Variants in STXBP5L observed in about 807,000 individuals in gnomAD.
STXBP5L encodes syntaxin-binding protein 5-like.
A neutral mutation model predicts 144.5 loss-of-function variants in STXBP5L; 65 were observed. The ratio of observed to expected loss-of-function variants is 0.45; its 90% CI spans 0.37 to 0.55. The LOEUF (loss-of-function observed/expected upper bound fraction) is 0.55, where lower values mean the gene tolerates loss of function less well. Among genes scored for constraint, STXBP5L ranks in the 20% least tolerant of loss-of-function variants. The pLI, the probability that STXBP5L is intolerant of heterozygous loss-of-function variation, is 0.00. For synonymous variants in STXBP5L, 505 were observed against 469.6 expected (o/e 1.08, Z -0.97); for missense variants, 1,298 against 1,405.5 (o/e 0.92, Z 1.22).
intron 2 of STXBP5L, among the ~76,000 whole-genome samples, chr3:120,911,432 C>A (rs1256714623): frequency 6.6e-6 from 1 of 152,050 alleles, no homozygotes; most frequent in East Asian, 1.9e-4. Context: ...TGCTAGTTGA[C>A]AGCCATATAC....
chr3:121,413,971 A>G (rs2047177942), intron 24 of STXBP5L, among the ~76,000 whole-genome samples: 1 of 152,096 alleles, frequency 6.6e-6, no homozygotes. Flanking sequence ...TGGCTCCTCC[A>G]TTTCTGTGAC....
chr3:121,360,228 T>A (rs1232670454), intron 20 of STXBP5L, among the ~76,000 whole-genome samples: 1 of 151,442 alleles, frequency 6.6e-6, no homozygotes, highest in East Asian at 1.9e-4. Flanking sequence ...ACTCCTCCTT[T>A]TTTTGGTTTC....
intron 7 of STXBP5L, among the ~76,000 whole-genome samples, chr3:121,133,305 C>T (rs1369904745): frequency 2.0e-5 from 3 of 151,978 alleles, no homozygotes; most frequent in Non-Finnish European, 2.9e-5. Flanking sequence ...AAAATGAACC[C>T]AAAGAAATCT....
chr3:121,417,212 T>G (rs900538522), intron 25 of STXBP5L, among the ~76,000 whole-genome samples: 3 of 152,180 alleles, frequency 2.0e-5, no homozygotes, highest in East Asian at 1.9e-4. Context: ...AGTTTCTTTT[T>G]GGAGTTATGT....
intron 3 of STXBP5L, among the ~76,000 whole-genome samples, chr3:120,996,351 T>C (rs1022634523): frequency 1.3e-5 from 2 of 152,018 alleles, no homozygotes; most frequent in Non-Finnish European, 1.5e-5. Flanking sequence ...TAAATTAATA[T>C]AATGTATATT....
intron 19 of STXBP5L, among the ~76,000 whole-genome samples, chr3:121,316,034 A>G (rs1444724448): frequency 6.6e-6 from 1 of 151,662 alleles, no homozygotes; most frequent in African/African-American, 2.4e-5. Flanking sequence ...AGCCAAAATT[A>G]TGATGAAATT....
chr3:121,329,938 T>A (rs1466108082), intron 20 of STXBP5L, among the ~76,000 whole-genome samples: 1 of 152,212 alleles, frequency 6.6e-6, no homozygotes, highest in African/African-American at 2.4e-5. Context: ...AAGATACACT[T>A]ATTTAATGTA....
intron 23 of STXBP5L, among the ~76,000 whole-genome samples, chr3:121,408,180 T>A (rs11708438): frequency 0.6 from 91,341 of 151,774 alleles, 28,337 homozygotes; most frequent in East Asian, 0.89. Context: ...TCAGATACTT[T>A]TAAAATAAAA....
chr3:121,343,267 C>T (rs567315841), intron 20 of STXBP5L, among the ~76,000 whole-genome samples: 42 of 151,806 alleles, frequency 2.8e-4, no homozygotes, highest in East Asian at 7.7e-4. Context: ...GGGTAGGTTG[C>T]GAAAATTTTC....
intron 5 of STXBP5L, 39 bp downstream of exon 5, chr3:121,045,574 CAA>C: frequency 6.4e-7 from 1 of 1,561,694 alleles, no homozygotes; most frequent in African/African-American, 1.4e-5. Context: ...TAATGTACAA[CAA>C]AATTATTTCC....
chr3:121,049,030 TG>T (rs1251531918), intron 5 of STXBP5L, among the ~76,000 whole-genome samples: 2 of 152,148 alleles, frequency 1.3e-5, no homozygotes, highest in Non-Finnish European at 2.9e-5. Flanking sequence ...TTGCTCCTTC[TG>T]TGAGCTCTGT....
intron 7 of STXBP5L, among the ~76,000 whole-genome samples, chr3:121,130,315 A>G (rs1378139468): frequency 6.6e-6 from 1 of 152,094 alleles, no homozygotes; most frequent in East Asian, 1.9e-4. Flanking sequence ...TGGAATGCCA[A>G]ATGACTATGT....
At chr3:121,209,503 T>A (rs947737905) in intron 10 of STXBP5L, among the ~76,000 whole-genome samples, 1 of 152,192 alleles carries the variant, frequency 6.6e-6, no homozygotes, top group African/African-American at 2.4e-5. Context: ...TACATATGTA[T>A]ACATGTGCCA....
In STXBP5L at chr3:121,114,917, T is replaced by C; in HGVS notation, c.471-8T>C. The stretch of plus-strand genomic sequence containing the variant: ...TAGATATTTTAATTATAATTTTCTT[T>C]CTTTCAGAATTACTTACTGTCATCT... On this transcript the variant is annotated splice_region_variant and splice_polypyrimidine_tract_variant and intron_variant, in intron 5 of 26. Coordinates refer to ENST00000471454, the MANE Select transcript of STXBP5L (RefSeq NM_001308330.2). The C allele has an allele frequency of 6.7e-7, 1 of 1,481,846 alleles. No homozygotes were observed. Among genetic ancestry groups the C allele is most frequent in the South Asian group, 1.4e-5 (1 of 71,902 alleles). The allele number at this position is 1,481,846 out of a possible 1,614,324, so 91.8% of individuals were successfully genotyped here.
intron 7 of STXBP5L, among the ~76,000 whole-genome samples, chr3:121,125,016 T>C (rs1045082012): frequency 1.8e-4 from 28 of 152,202 alleles, no homozygotes; most frequent in Non-Finnish European, 1.3e-4. Flanking sequence ...TATTATTTCT[T>C]AATTTGTTAA....
Position 121,421,299 on chromosome 3 carries a change from C to G in STXBP5L, c.*2202C>G, listed in dbSNP as rs2047348344. ...GTACATTTGATGAGTATTTCTGAAG[C>G]CTTCAATAAGATTTAACTTGTTTTA... On this transcript the variant is annotated 3_prime_UTR_variant, in exon 27 of 27. Transcript: ENST00000471454. The G allele has an allele frequency of 6.6e-6, 1 of 151,962 alleles. No homozygotes were observed. Among genetic ancestry groups the G allele is most frequent in the African/African-American group, 2.4e-5 (1 of 41,396 alleles). 9.4% of individuals were successfully genotyped at this position (151,962 alleles called of 1,614,324 possible).
At chr3:121,225,312 G>A (rs938925299) in intron 11 of STXBP5L, among the ~76,000 whole-genome samples, 1 of 151,926 alleles carries the variant, frequency 6.6e-6, no homozygotes, top group African/African-American at 2.4e-5. Flanking sequence ...CAGGACTCTC[G>A]GGGCACAATT....
chr3:120,944,547 A>C (rs754088132), intron 2 of STXBP5L, among the ~76,000 whole-genome samples: 5 of 151,788 alleles, frequency 3.3e-5, no homozygotes, highest in Non-Finnish European at 5.9e-5. Flanking sequence ...TAACAATTTA[A>C]TATAACTACC....
chr3:121,184,845 T>A (rs1034242300), intron 9 of STXBP5L, among the ~76,000 whole-genome samples: 4 of 152,156 alleles, frequency 2.6e-5, no homozygotes, highest in South Asian at 4.1e-4. Context: ...AAGGAAAGCC[T>A]ATCGGACTAA....
Sources: gnomAD v4.1 joint callset for allele counts (sites outside exome capture counted in the v4.1 genomes callset) on GRCh38, gnomAD v4.1.1 for gene constraint, MANE v1.5 for transcripts, NCBI Gene and HGNC (gene_info 2026-07-23, HGNC 2026-07-21) for gene names.